The following FXR1 variants were observed in gnomAD, a reference collection of about 807,000 sequenced individuals.
FXR1 encodes the protein FMR1 autosomal homolog 1.
In FXR1, 15 loss-of-function variants were observed where a neutral mutation model predicts 84.0. The ratio of observed to expected loss-of-function variants is 0.18; its 90% CI spans 0.12 to 0.27. The LOEUF (loss-of-function observed/expected upper bound fraction) is 0.27. Among genes scored for constraint, FXR1 ranks in the 10% least tolerant of loss-of-function variants. The probability of loss-of-function intolerance (pLI) is 1.00; values close to 1 mark genes in which losing one functional copy is unlikely to be tolerated. For synonymous variants in FXR1, 245 were observed against 250.7 expected (o/e 0.98, Z 0.21); for missense variants, 480 against 774.4 (o/e 0.62, Z 4.51).
intron 16 of FXR1, among the ~76,000 whole-genome samples, chr3:180,975,621 A>T (rs1714141859): frequency 6.6e-6 from 1 of 152,214 alleles, no homozygotes; most frequent in East Asian, 1.9e-4. Flanking sequence ...AATAGCATTT[A>T]TAAAATTCAT....
chr3:180,920,028 G>T (rs1228157636), intron 1 of FXR1, among the ~76,000 whole-genome samples: 1 of 152,218 alleles, frequency 6.6e-6, no homozygotes, highest in South Asian at 2.1e-4. Flanking sequence ...TATCTTCAGC[G>T]TTTTTTGCTG....
intron 15 of FXR1, chr3:180,971,225 A>AAT: frequency 2.1e-6 from 1 of 471,038 alleles, no homozygotes; most frequent in Non-Finnish European, 3.5e-6. Flanking sequence ...CTGCTTTCTA[A>AAT]ATATATTATA....
At chr3:180,918,420 G>T (rs553009972) in intron 1 of FXR1, among the ~76,000 whole-genome samples, 2 of 152,254 alleles carry the variant, frequency 1.3e-5, no homozygotes, top group East Asian at 3.9e-4. Context: ...TTACAGGCAT[G>T]AACCACTGAG....
intron 1 of FXR1, among the ~76,000 whole-genome samples, chr3:180,915,936 T>C (rs1034670168): frequency 6.6e-6 from 1 of 152,252 alleles, no homozygotes; most frequent in African/African-American, 2.4e-5. Context: ...ACAGTGGCTC[T>C]ATAGTTAGAG....
At chr3:180,948,554 A>G (rs1343588533) in intron 5 of FXR1, 59 bp downstream of exon 5, 2 of 1,303,230 alleles carry the variant, frequency 1.5e-6, no homozygotes, top group Non-Finnish European at 2.2e-6. Context: ...TTTCAGTCCT[A>G]CAAAACATTT....
intron 10 of FXR1, among the ~76,000 whole-genome samples, chr3:180,960,034 T>G (rs1433614118): frequency 6.6e-6 from 1 of 152,136 alleles, no homozygotes; most frequent in Non-Finnish European, 1.5e-5. Flanking sequence ...ACATGGAAAC[T>G]GATTGGGGGA....
chr3:180,963,328 T>C (rs1292100502), intron 13 of FXR1, among the ~76,000 whole-genome samples: 2 of 152,130 alleles, frequency 1.3e-5, no homozygotes, highest in Non-Finnish European at 2.9e-5. Flanking sequence ...GTTTTTAAGT[T>C]GGTAGTTCAT....
At chr3:180,928,896 T>G (rs1318888689) in intron 1 of FXR1, among the ~76,000 whole-genome samples, 1 of 152,060 alleles carries the variant, frequency 6.6e-6, no homozygotes, top group African/African-American at 2.4e-5. Context: ...CATCCCTACT[T>G]TCATTTTACA....
chr3:180,961,339 CAAAAAAAAAAAAA>C, intron 10 of FXR1, 116 bp from the exon 11 acceptor site: 3 of 290,962 alleles, frequency 1.0e-5, no homozygotes, highest in African/African-American at 7.1e-5. Context: ...GACGTCATCT[CAAAAAAAAAAAAA>C]AAAAAAAAAA....
chr3:180,919,415 G>C (rs894856276), intron 1 of FXR1, among the ~76,000 whole-genome samples: 1 of 150,834 alleles, frequency 6.6e-6, no homozygotes, highest in Non-Finnish European at 1.5e-5. Flanking sequence ...CACCCGAGTA[G>C]CTGGGATTAT....
At position 180,982,180 on chromosome 3, in the gene FXR1, A is replaced by G. The variant is rs1714642800; in HGVS notation, c.*5888A>G. On this transcript the variant is annotated 3_prime_UTR_variant, in exon 17 of 17. Transcript: ENST00000357559. The stretch of plus-strand genomic sequence containing the variant: ...TTCCATTTCCTCACATGTAAAATGT[A>G]CATCATAATAACTAGTCTACTGAGA... 1 of 152,114 alleles carries G rather than the reference A, an allele frequency of 6.6e-6. No individual in the cohort carries two copies. Among genetic ancestry groups the G allele is most frequent in the Admixed American group, 6.6e-5 (1 of 15,260 alleles). 9.4% of individuals were successfully genotyped at this position (152,114 alleles called of 1,614,324 possible).
chr3:180,963,107 T>A lies in FXR1; in HGVS notation c.1198+17T>A, dbSNP rs369910770. On this transcript the variant is annotated intron_variant, in intron 13 of 16. Transcript: ENST00000357559. ...CCGGTTATGGTAAAAAAAAATTTTTTTTTTTTTTTTTTGGTAATAGTAATA... is the reference window on the plus strand; with the variant it reads ...CCGGTTATGGTAAAAAAAAATTTTTATTTTTTTTTTTTGGTAATAGTAATA... 1,292 of 1,149,108 alleles carry A rather than the reference T, an allele frequency of 1.1e-3. No individual in the cohort carries two copies. Among genetic ancestry groups the A allele is most frequent in the Non-Finnish European group, 1.6e-3 (1,217 of 784,408 alleles). 71.2% of individuals were successfully genotyped at this position (1,149,108 alleles called of 1,614,324 possible).
intron 3 of FXR1, among the ~76,000 whole-genome samples, chr3:180,946,764 T>C (rs1296532618): frequency 1.3e-5 from 2 of 152,210 alleles, no homozygotes; most frequent in Non-Finnish European, 2.9e-5. Context: ...CTAAAAGTCT[T>C]TGTTTTTAGT....
intron 3 of FXR1, among the ~76,000 whole-genome samples, chr3:180,943,143 T>G (rs2108457723): frequency 6.6e-6 from 1 of 151,928 alleles, no homozygotes; most frequent in East Asian, 1.9e-4. Context: ...ATTTTCGTAT[T>G]TTTAGTAGAG....
chr3:180,926,506 A>ATATATATATATATTTTTTTTTTTT (rs72192827), intron 1 of FXR1, among the ~76,000 whole-genome samples: 1 of 124,392 alleles, frequency 8.0e-6, no homozygotes, highest in African/African-American at 2.9e-5. Flanking sequence ...ATATATATAT[A>ATATATATATATATTTTTTTTTTTT]TTTTTTTTTC....
Position 180,930,074 on chromosome 3 carries a change from C to T in FXR1, c.52-3260C>T, listed in dbSNP as rs565068165. 1.6e-4 allele frequency among the ~76,000 whole-genome samples: 25 copies of T among 152,244 alleles called. No individual in the cohort carries two copies. The East Asian group carries it at 2.7e-3, about 16-fold the overall frequency. Reference sequence around the variant, plus strand: ...AGGTCGGAGTTCGAGACCAGCCTGGCGGACATGGTGAAACCCAGTCTCTGC... The same window carrying T: ...AGGTCGGAGTTCGAGACCAGCCTGGTGGACATGGTGAAACCCAGTCTCTGC... On this transcript the variant is annotated intron_variant, in intron 1 of 16. Coordinates refer to ENST00000357559, the MANE Select transcript of FXR1 (RefSeq NM_005087.4).
chr3:180,927,784 T>C, intron 1 of FXR1: 1 of 429,756 alleles, frequency 2.3e-6, no homozygotes, highest in Non-Finnish European at 4.1e-6. Flanking sequence ...GAGATTTGTA[T>C]ATTATTAAAA....
chr3:180,971,392 C>T lies in FXR1; in HGVS notation c.1603+1034C>T, dbSNP rs1231234788. The T allele has an allele frequency of 3.8e-5, 6 of 157,936 alleles. No individual in the cohort carries two copies. The Admixed American group carries it at 3.8e-4, about 10-fold the overall frequency. The allele number at this position is 157,936 out of a possible 1,614,324, so 9.8% of individuals were successfully genotyped here. On this transcript the variant is annotated intron_variant, in intron 15 of 16. Transcript: ENST00000357559. The stretch of plus-strand genomic sequence containing the variant: ...ACTAATGTTGTGTCCTAATTGTTTA[C>T]ATGGAAATACTGTTGAGAAGACCAT...
chr3:180,961,390 T>G, intron 10 of FXR1, 78 bp from the exon 11 acceptor site: 1 of 494,348 alleles, frequency 2.0e-6, no homozygotes. Context: ...TGTGCCTGCC[T>G]GTCAGTTTCA....
Sources: allele counts gnomAD v4.1 joint callset (sites outside exome capture counted in the v4.1 genomes callset), GRCh38; gene constraint gnomAD v4.1.1; transcripts MANE v1.5; gene names NCBI Gene and HGNC (gene_info 2026-07-23, HGNC 2026-07-21).